Variants in SPATA18 observed in about 807,000 individuals in gnomAD.
SPATA18 encodes the protein mitochondria-eating protein.
In SPATA18, 54 loss-of-function variants were observed where a neutral mutation model predicts 68.1. The observed-to-expected ratio is 0.79, with a 90% CI of 0.64 to 0.99. The LOEUF is 0.99. Among genes scored for constraint, SPATA18 ranks in the 50% least tolerant of loss-of-function variants. The pLI is 0.00. For synonymous variants in SPATA18, 242 were observed against 244.8 expected, an observed-to-expected ratio of 0.99 and a Z score of 0.11; for missense variants, 724 against 681.1, an observed-to-expected ratio of 1.06 and a Z score of -0.70.
intron 6 of SPATA18, among the ~76,000 whole-genome samples, chr4:52,075,174 A>T (rs1740225051): frequency 6.6e-6 from 1 of 152,096 alleles, no homozygotes; most frequent in Non-Finnish European, 1.5e-5. Flanking sequence ...TTGCAATGAG[A>T]ACAGGGTCCT....
At chr4:52,083,316 G>A (rs1741117074) in intron 10 of SPATA18, 19 of 985,268 alleles carry the variant, frequency 1.9e-5, no homozygotes, top group Non-Finnish European at 2.2e-5. Context: ...CTGAAGAATA[G>A]GGGAAGTGTT....
rs1220591396 is a variant in SPATA18 at position 52,076,814 on chromosome 4, G to A, written c.794G>A (p.Arg265His). The change falls in exon 7 of 13, where the codon CGC (arginine) becomes CAC (histidine). Residue 265 changes from arginine (R) to histidine (H), a missense_variant. By Grantham distance (29) the Arg-to-His change is conservative. Transcript: ENST00000295213. ...SRSRSPSPAP[R>H]SRSCSRSRSA... ...AGCCGGTCTCCCAGCCCTGCCCCTCGCAGCCGTAGCTGCAGCCGCAGCAGA... is the reference window on the plus strand; with the variant it reads ...AGCCGGTCTCCCAGCCCTGCCCCTCACAGCCGTAGCTGCAGCCGCAGCAGA... The A allele has an allele frequency of 6.2e-7, 1 of 1,614,000 alleles. No individual in the cohort carries two copies. The highest frequency in any genetic ancestry group is 8.5e-7 in the Non-Finnish European group (1 of 1,179,946).
chr4:52,071,633 G>A (rs1739849869), intron 5 of SPATA18, among the ~76,000 whole-genome samples: 1 of 152,068 alleles, frequency 6.6e-6, no homozygotes, highest in Non-Finnish European at 1.5e-5. Flanking sequence ...TATGACTATG[G>A]GTCCAGTGTT....
intron 4 of SPATA18, among the ~76,000 whole-genome samples, chr4:52,064,294 A>G (rs186166357): frequency 6.6e-6 from 1 of 151,860 alleles, no homozygotes; most frequent in East Asian, 1.9e-4. Flanking sequence ...TGTTATTTCA[A>G]TAGATTTTGG....
intron 11 of SPATA18, among the ~76,000 whole-genome samples, chr4:52,085,748 T>A (rs1339571372): frequency 1.3e-5 from 2 of 151,716 alleles, no homozygotes; most frequent in South Asian, 4.2e-4. Flanking sequence ...TAACAAAAAA[T>A]TCCCCCCCAA....
chr4:52,086,205 G>A (rs1741418923), intron 11 of SPATA18, among the ~76,000 whole-genome samples: 2 of 152,084 alleles, frequency 1.3e-5, no homozygotes, highest in Non-Finnish European at 2.9e-5. Context: ...AACTTCCTCA[G>A]CAAAACAAAA....
At chr4:52,072,389 T>G (rs1280269698) in intron 6 of SPATA18, among the ~76,000 whole-genome samples, 1 of 151,948 alleles carries the variant, frequency 6.6e-6, no homozygotes, top group African/African-American at 2.4e-5. Context: ...CTGAGAGATA[T>G]GGAGAAGGAA....
In SPATA18 at chr4:52,060,402, C is replaced by T; in HGVS notation, c.88-17C>T. The T allele has an allele frequency of 1.9e-6, 3 of 1,608,258 alleles. No homozygotes were observed. The highest frequency in any genetic ancestry group is 2.6e-6 in the Non-Finnish European group (3 of 1,175,182). ...GTGAAGTAATTACCCTGGTTATCTACTGTTTTGCCCTTGCAGACAAACACG... is the reference window on the plus strand; with the variant it reads ...GTGAAGTAATTACCCTGGTTATCTATTGTTTTGCCCTTGCAGACAAACACG... On this transcript the variant is annotated splice_polypyrimidine_tract_variant and intron_variant, in intron 1 of 12. Coordinates refer to ENST00000295213, the MANE Select transcript of SPATA18 (RefSeq NM_145263.4).
In SPATA18 at chr4:52,076,995, C is replaced by CGACAAGGCT; in HGVS notation, c.978_986dup (p.Asp326_Ala328dup). 1 of 1,612,560 alleles carries CGACAAGGCT rather than the reference C, an allele frequency of 6.2e-7. No individual in the cohort carries two copies. Among genetic ancestry groups the CGACAAGGCT allele is most frequent in the South Asian group, 1.1e-5 (1 of 90,714 alleles). On this transcript the variant is annotated inframe_insertion, in exon 7 of 13. Coordinates refer to ENST00000295213, the MANE Select transcript of SPATA18 (RefSeq NM_145263.4). ...CGCAGTGCCTGCTGCGGCGCTGCAT[C>CGACAAGGCT]GACAAGGCTGAGACCGTTCAGCGGA...
At chr4:52,054,666 C>A (rs1738180913) in intron 1 of SPATA18, among the ~76,000 whole-genome samples, 1 of 151,880 alleles carries the variant, frequency 6.6e-6, no homozygotes. Flanking sequence ...TAGTGTACAG[C>A]CTCTGTGGAC....
Position 52,082,466 on chromosome 4 carries a change from T to C in SPATA18, c.1435T>C (p.Cys479Arg). 2 of 1,614,148 alleles carry C rather than the reference T, an allele frequency of 1.2e-6. No individual in the cohort carries two copies. Among genetic ancestry groups the C allele is most frequent in the Non-Finnish European group, 1.7e-6 (2 of 1,179,998 alleles). ...HVWPALMEND[C>R]VIMKGEAVTR... Reference sequence around the variant, plus strand: ...GTGGCCTGCTCTCATGGAGAATGACTGTGTCATTATGAAGGGAGAAGCTGT... The same window carrying C: ...GTGGCCTGCTCTCATGGAGAATGACCGTGTCATTATGAAGGGAGAAGCTGT... The change falls in exon 10 of 13, where the codon TGT becomes CGT. Residue 479 changes from cysteine to arginine, a missense_variant. By Grantham distance (180) the Cys-to-Arg change is radical. Transcript: ENST00000295213.
At chr4:52,075,798 C>T (rs567423661) in intron 6 of SPATA18, among the ~76,000 whole-genome samples, 4 of 152,322 alleles carry the variant, frequency 2.6e-5, no homozygotes, top group South Asian at 2.1e-4. Flanking sequence ...GCTTCTGCCC[C>T]GGCTTTATCA....
chr4:52,071,873 C>G lies in SPATA18; in HGVS notation c.519-44C>G, dbSNP rs548507397. The G allele has an allele frequency of 3.1e-6, 5 of 1,593,490 alleles. No homozygotes were observed. In the African/African-American group the frequency reaches 6.7e-5, roughly 21 times the overall value. ...TTCCTTCCTTCCTTCACTCCCTCCC[C>G]TCTCCTCTCTTCCCTTCCTCTGCCC... On this transcript the variant is annotated intron_variant, in intron 5 of 12. Coordinates refer to ENST00000295213, the MANE Select transcript of SPATA18 (RefSeq NM_145263.4).
At chr4:52,077,067 C>T (rs1478096345) in intron 7 of SPATA18, 27 bp downstream of exon 7, 5 of 1,565,536 alleles carry the variant, frequency 3.2e-6, no homozygotes, top group Admixed American at 3.8e-5. Context: ...GGACTCCCGG[C>T]TCCTTAGGGC....
In SPATA18 at chr4:52,095,017, C is replaced by G. The variant is rs1323246131; in HGVS notation, c.*130C>G. The G allele has an allele frequency of 1.9e-6, 2 of 1,063,346 alleles. No individual in the cohort carries two copies. Among genetic ancestry groups the G allele is most frequent in the Non-Finnish European group, 2.9e-6 (2 of 692,856 alleles). 65.9% of individuals were successfully genotyped at this position (1,063,346 alleles called of 1,614,324 possible). On this transcript the variant is annotated 3_prime_UTR_variant, in exon 13 of 13. Transcript: ENST00000295213. ...CAAAAGGCAATTCTGTGTATCACCC[C>G]ACACAGAGAGTTAAATGTTTTGGCT...
intron 1 of SPATA18, among the ~76,000 whole-genome samples, chr4:52,058,992 A>T (rs771658794): frequency 6.6e-6 from 1 of 152,200 alleles, no homozygotes; most frequent in African/African-American, 2.4e-5. Flanking sequence ...GGCATATAGG[A>T]GAGATATAAT....
rs145325813 is a variant in SPATA18, at chr4:52,084,923, C to T, written c.1487C>T (p.Ser496Leu). Residue 496 changes from serine (S) to leucine (L), a missense_variant, in exon 11 of 13, where the codon TCG becomes TTG. By Grantham distance (145) the Ser-to-Leu change is moderately radical (BLOSUM62 -2). Transcript: ENST00000295213. ...TTCTCTCTCTTTTTTAAGTGGAATT[C>T]GGTGCGATCTGTAAGTCGTTGTCGA... Reference protein sequence around the residue: ...AVTRRGAFWNSVRSVSRCRSR... With the variant: ...AVTRRGAFWNLVRSVSRCRSR... 4.0e-4 allele frequency: 639 copies of T among 1,613,872 alleles called. No homozygotes were observed. The highest frequency in any genetic ancestry group is 1.1e-3 in the Admixed American group (67 of 59,998).
rs572181253 is a variant in SPATA18 at position 52,051,667 on chromosome 4, T to C, written c.-38T>C. The C allele has an allele frequency of 2.0e-5, 32 of 1,602,280 alleles. No individual in the cohort carries two copies. In the South Asian group the frequency reaches 3.3e-4, roughly 17 times the overall value. ...GGCCACCGCCTGGTCCCCCCAAGTC[T>C]CCATCGCGCAGCGTGGGGCCGAGAG... On this transcript the variant is annotated 5_prime_UTR_variant, in exon 1 of 13. Transcript: ENST00000295213.
intron 10 of SPATA18, chr4:52,082,826 G>A (rs760209668): frequency 4.1e-6 from 4 of 985,140 alleles, no homozygotes; most frequent in Non-Finnish European, 4.8e-6. Context: ...TCTTGTAGGA[G>A]GATTGCCATA....
Sources: allele counts gnomAD v4.1 joint callset (sites outside exome capture counted in the v4.1 genomes callset), GRCh38; gene constraint gnomAD v4.1.1; transcripts MANE v1.5; gene names NCBI Gene and HGNC (gene_info 2026-07-23, HGNC 2026-07-21).